The following SEMA3A variants were observed in gnomAD, a reference collection of about 807,000 sequenced individuals.
SEMA3A encodes semaphorin-3A.
Under a neutral mutation model 97.9 loss-of-function variants are expected in SEMA3A, and 29 were observed. The observed-to-expected ratio is 0.30, with a 90% CI of 0.22 to 0.40. The LOEUF is 0.40. Ranked by LOEUF, SEMA3A falls within the 10% of genes least tolerant of loss-of-function variation. The pLI is 1.00. For missense variants in SEMA3A, 763 were observed against 951.3 expected, an observed-to-expected ratio of 0.80 and a Z score of 2.60; for synonymous variants, 321 against 323.7, an observed-to-expected ratio of 0.99 and a Z score of 0.09.
chr7:83,993,435 A>C (rs1353248859), intron 12 of SEMA3A, among the ~76,000 whole-genome samples: 2 of 151,618 alleles, frequency 1.3e-5, no homozygotes, highest in East Asian at 3.9e-4. Flanking sequence ...TTTTGGCATG[A>C]TTTTGCAGTG....
chr7:84,118,108 C>A (rs922479255), intron 3 of SEMA3A, among the ~76,000 whole-genome samples: 3 of 152,028 alleles, frequency 2.0e-5, no homozygotes, highest in Admixed American at 6.5e-5. Flanking sequence ...AGAGTTTAAG[C>A]CTATACTTGG....
chr7:84,054,159 T>A (rs1395010649), intron 5 of SEMA3A, among the ~76,000 whole-genome samples: 1 of 152,242 alleles, frequency 6.6e-6, no homozygotes, highest in African/African-American at 2.4e-5. Context: ...TTTCCTTCAT[T>A]TCAACTTTGG....
chr7:84,123,629 T>A (rs1795699557), intron 3 of SEMA3A, among the ~76,000 whole-genome samples: 1 of 149,258 alleles, frequency 6.7e-6, no homozygotes, highest in Non-Finnish European at 1.5e-5. Flanking sequence ...ACACACACAC[T>A]CTATATAGAA....
intron 3 of SEMA3A, among the ~76,000 whole-genome samples, chr7:84,119,849 T>TCA (rs749525883): frequency 7.2e-5 from 11 of 152,148 alleles, no homozygotes; most frequent in Non-Finnish European, 1.6e-4. Context: ...CAAATCATGA[T>TCA]AATAAACCTT....
At chr7:84,291,312 A>C (rs575042916) in intron 3 of SEMA3A, among the ~76,000 whole-genome samples, 1 of 152,214 alleles carries the variant, frequency 6.6e-6, no homozygotes, top group African/African-American at 2.4e-5. Flanking sequence ...TTGCATTTCA[A>C]ATTATTTATC....
At chr7:84,150,527 T>C (rs1481155020) in intron 1 of SEMA3A, among the ~76,000 whole-genome samples, 1 of 152,162 alleles carries the variant, frequency 6.6e-6, no homozygotes, top group Admixed American at 6.5e-5. Context: ...ACTGTGCTTT[T>C]CCGACGGGCT....
intron 4 of SEMA3A, among the ~76,000 whole-genome samples, chr7:84,062,944 G>C (rs1466486676): frequency 6.6e-6 from 1 of 151,966 alleles, no homozygotes; most frequent in Non-Finnish European, 1.5e-5. Context: ...GCCTGCCTCT[G>C]TAGGCTCCAC....
intron 6 of SEMA3A, among the ~76,000 whole-genome samples, chr7:84,030,722 T>G (rs561447749): frequency 3.9e-5 from 6 of 152,290 alleles, no homozygotes. Flanking sequence ...TTTTATCCAT[T>G]AAGAACTTTA....
At chr7:84,334,778 T>C (rs1182686781) in intron 2 of SEMA3A, among the ~76,000 whole-genome samples, 1 of 151,296 alleles carries the variant, frequency 6.6e-6, no homozygotes, top group African/African-American at 2.4e-5. Flanking sequence ...CTCTCTTGTT[T>C]TCCTCTCACT....
At chr7:84,471,443 T>A (rs1806144917) in intron 1 of SEMA3A, among the ~76,000 whole-genome samples, 1 of 152,144 alleles carries the variant, frequency 6.6e-6, no homozygotes, top group Admixed American at 6.5e-5. Context: ...GCAAGATTTT[T>A]AATGAAATGT....
At chr7:84,328,116 A>G (rs1801813550) in intron 2 of SEMA3A, among the ~76,000 whole-genome samples, 1 of 152,000 alleles carries the variant, frequency 6.6e-6, no homozygotes, top group African/African-American at 2.4e-5. Flanking sequence ...TTTTGTACAA[A>G]TAAGTTTGCT....
intron 5 of SEMA3A, 126 bp downstream of exon 5, chr7:84,060,339 C>G (rs1793162497): frequency 1.5e-6 from 1 of 652,442 alleles, no homozygotes; most frequent in Non-Finnish European, 2.6e-6. Flanking sequence ...TTGAATATAT[C>G]ACAACTAATG....
intron 2 of SEMA3A, among the ~76,000 whole-genome samples, chr7:84,322,973 T>A (rs1174396759): frequency 1.3e-5 from 2 of 152,154 alleles, no homozygotes; most frequent in East Asian, 3.9e-4. Flanking sequence ...ATTCTACCAC[T>A]GCATTCACTG....
chr7:84,403,131 G>A (rs1803954784), intron 1 of SEMA3A, among the ~76,000 whole-genome samples: 1 of 152,122 alleles, frequency 6.6e-6, no homozygotes, highest in African/African-American at 2.4e-5. Flanking sequence ...AGGGATCAGG[G>A]AATTCCCTTT....
chr7:84,447,926 G>A (rs370169896), intron 1 of SEMA3A, among the ~76,000 whole-genome samples: 24 of 152,292 alleles, frequency 1.6e-4, no homozygotes, highest in Non-Finnish European at 1.0e-4. Flanking sequence ...AGACACAGTT[G>A]CCCACAGCAG....
chr7:84,027,888 T>C (rs1378736234), intron 6 of SEMA3A, among the ~76,000 whole-genome samples: 1 of 152,208 alleles, frequency 6.6e-6, no homozygotes, highest in African/African-American at 2.4e-5. Flanking sequence ...AATATCTATC[T>C]TTATTGTTAT....
chr7:84,065,861 T>C (rs1793465391), intron 4 of SEMA3A, among the ~76,000 whole-genome samples: 3 of 151,820 alleles, frequency 2.0e-5, no homozygotes, highest in Admixed American at 6.6e-5. Context: ...ACTGGTAGCA[T>C]TCCTTCTGAA....
chr7:84,436,322 T>A (rs896546592), intron 1 of SEMA3A, among the ~76,000 whole-genome samples: 1 of 152,058 alleles, frequency 6.6e-6, no homozygotes, highest in Non-Finnish European at 1.5e-5. Context: ...AAAACAAAAA[T>A]TGATGAGTGG....
intron 1 of SEMA3A, among the ~76,000 whole-genome samples, chr7:84,405,689 A>T (rs1335069516): frequency 2.0e-5 from 3 of 152,174 alleles, no homozygotes. Flanking sequence ...AATTATAGCA[A>T]ACTGTCTCTC....
Sources: allele counts gnomAD v4.1 joint callset (sites outside exome capture counted in the v4.1 genomes callset), GRCh38; gene constraint gnomAD v4.1.1; transcripts MANE v1.5; gene names NCBI Gene and HGNC (gene_info 2026-07-23, HGNC 2026-07-21).